Variants in INSR observed in about 807,000 individuals in gnomAD.
The protein encoded by INSR is insulin receptor.
INSR carries 67 observed loss-of-function variants against 142.6 expected under a neutral mutation model. The ratio of observed to expected loss-of-function variants is 0.47; its 90% CI spans 0.39 to 0.58. The LOEUF is 0.58. Among genes scored for constraint, INSR ranks in the 20% least tolerant of loss-of-function variants. INSR has a pLI of 0.00. For missense variants in INSR, 1,248 were observed against 1,833.2 expected, an observed-to-expected ratio of 0.68 and a Z score of 5.83; for synonymous variants, 756 against 743.1, an observed-to-expected ratio of 1.02 and a Z score of -0.28.
intron 2 of INSR, among the ~76,000 whole-genome samples, chr19:7,226,401 T>C (rs1600058428): frequency 4.3e-5 from 4 of 93,912 alleles, no homozygotes; most frequent in Non-Finnish European, 5.9e-5. Flanking sequence ...AGAGTGAGAC[T>C]CCGTCTCAAG....
At chr19:7,227,802 G>GTTTTGT (rs140475272) in intron 2 of INSR, among the ~76,000 whole-genome samples, 9,490 of 151,918 alleles carry the variant, frequency 0.062, 753 homozygotes, top group East Asian at 0.21. Flanking sequence ...GGTACAGATT[G>GTTTTGT]TTTTGTTTTT....
intron 8 of INSR, among the ~76,000 whole-genome samples, chr19:7,164,092 TAAA>T (rs4031077): frequency 8.6e-4 from 69 of 80,270 alleles, no homozygotes; most frequent in Admixed American, 1.5e-3. Flanking sequence ...GAAACTCCGT[TAAA>T]AAAAAAAAAA....
At chr19:7,206,189 CAG>C (rs1975100634) in intron 2 of INSR, among the ~76,000 whole-genome samples, 1 of 150,784 alleles carries the variant, frequency 6.6e-6, no homozygotes, top group Non-Finnish European at 1.5e-5. Context: ...AGTTGAGAGA[CAG>C]AATCTCATTC....
intron 1 of INSR, among the ~76,000 whole-genome samples, chr19:7,269,038 CCA>C (rs141333611): frequency 0.019 from 2,770 of 146,772 alleles, 54 homozygotes; most frequent in African/African-American, 0.064. Context: ...ACCCACACAC[CCA>C]CACACACACA....
At chr19:7,279,285 C>T (rs1375945505) in intron 1 of INSR, among the ~76,000 whole-genome samples, 8 of 151,656 alleles carry the variant, frequency 5.3e-5, no homozygotes, top group Non-Finnish European at 1.0e-4. Flanking sequence ...CACAGTAAGA[C>T]CCCATGTCTA....
At chr19:7,124,977 GA>G (rs1972611174) in intron 17 of INSR, among the ~76,000 whole-genome samples, 1 of 152,066 alleles carries the variant, frequency 6.6e-6, no homozygotes, top group Non-Finnish European at 1.5e-5. Context: ...GAAGATTCCG[GA>G]AAGTGGTGGA....
At chr19:7,277,322 A>G (rs115557167) in intron 1 of INSR, among the ~76,000 whole-genome samples, 3,613 of 151,466 alleles carry the variant, frequency 0.024, 114 homozygotes, top group African/African-American at 0.074. Flanking sequence ...CATGGAAATC[A>G]TTCCTGTATT....
chr19:7,250,462 AAAAG>A (rs201381022), intron 2 of INSR, among the ~76,000 whole-genome samples: 7,085 of 88,362 alleles, frequency 0.08, 275 homozygotes, highest in Middle Eastern at 0.17. Flanking sequence ...GAAAAGGAAG[AAAAG>A]AAAGAAAGAA....
Position 7,294,114 on chromosome 19 carries a change from C to A in INSR, c.-223G>T, listed in dbSNP as rs1266313810. On this transcript the variant is annotated 5_prime_UTR_variant, in exon 1 of 22. Coordinates refer to ENST00000302850, the MANE Select transcript of INSR (RefSeq NM_000208.4). ...TACAAATACTGAGCGGAGGCCCTTG[C>A]GGTGGTGGCCCCGACCCCCCGGCCG... The A allele has an allele frequency of 3.9e-6, 1 of 254,092 alleles. No individual in the cohort carries two copies. The highest frequency in any genetic ancestry group is 6.7e-6 in the Non-Finnish European group (1 of 148,294). 15.7% of individuals were successfully genotyped at this position (254,092 alleles called of 1,614,324 possible).
intron 2 of INSR, among the ~76,000 whole-genome samples, chr19:7,206,044 CG>C (rs1975097074): frequency 6.6e-6 from 1 of 152,150 alleles, no homozygotes; most frequent in East Asian, 1.9e-4. Context: ...CATGTGCAGA[CG>C]GGAACCATCG....
chr19:7,151,055 CTT>C (rs997734291), intron 10 of INSR, among the ~76,000 whole-genome samples: 4 of 69,734 alleles, frequency 5.7e-5, no homozygotes, highest in African/African-American at 1.3e-4. Context: ...TTTTCTTTCT[CTT>C]TCTTTTCTTT....
chr19:7,262,365 G>T (rs796149557), intron 2 of INSR, among the ~76,000 whole-genome samples: 1 of 152,136 alleles, frequency 6.6e-6, no homozygotes, highest in Non-Finnish European at 1.5e-5. Flanking sequence ...CGAGCCACGC[G>T]GGAGGCTGAG....
chr19:7,160,816 G>T (rs945740901), intron 9 of INSR, among the ~76,000 whole-genome samples: 2 of 151,714 alleles, frequency 1.3e-5, no homozygotes, highest in African/African-American at 4.8e-5. Flanking sequence ...TGGCCAACAT[G>T]GTGAAACCCC....
chr19:7,201,417 G>C (rs982287095), intron 2 of INSR, among the ~76,000 whole-genome samples: 1 of 151,944 alleles, frequency 6.6e-6, no homozygotes, highest in African/African-American at 2.4e-5. Context: ...CTGAAGTCAG[G>C]AGTTCAAGAC....
At chr19:7,161,066 T>C (rs1973736633) in intron 9 of INSR, among the ~76,000 whole-genome samples, 1 of 149,798 alleles carries the variant, frequency 6.7e-6, no homozygotes, top group Non-Finnish European at 1.5e-5. Flanking sequence ...TTTGAGACTT[T>C]AAATATTATT....
At chr19:7,287,733 G>A (rs965695611) in intron 1 of INSR, among the ~76,000 whole-genome samples, 14 of 152,070 alleles carry the variant, frequency 9.2e-5, no homozygotes, top group African/African-American at 1.2e-4. Context: ...AAGACATAGC[G>A]TTTCATTTCA....
chr19:7,271,377 G>A (rs1568231749), intron 1 of INSR, among the ~76,000 whole-genome samples: 1 of 152,098 alleles, frequency 6.6e-6, no homozygotes, highest in Admixed American at 6.6e-5. Context: ...GCAGGCGCAT[G>A]TAGTTCCAGA....
At position 7,168,445 on chromosome 19, in the gene INSR, C is replaced by T. The variant is rs1489380709; in HGVS notation, c.1484-351G>A. Among the ~76,000 whole-genome samples, 1 of 152,142 alleles carries T rather than the reference C, an allele frequency of 6.6e-6. No homozygotes were observed. The highest frequency in any genetic ancestry group is 1.5e-5 in the Non-Finnish European group (1 of 68,014). On this transcript the variant is annotated intron_variant, in intron 6 of 21. Coordinates refer to ENST00000302850, the MANE Select transcript of INSR (RefSeq NM_000208.4). This position sits in a 1 kb window ranked among gnomAD's most constrained non-coding sequence, Gnocchi z 4.3. ...TGTTTGTCCTGACACAACGTTGTCTCGCATATGGACTTGTAAGACTGACCT... is the reference window on the plus strand; with the variant it reads ...TGTTTGTCCTGACACAACGTTGTCTTGCATATGGACTTGTAAGACTGACCT...
chr19:7,234,310 A>G (rs1311822281), intron 2 of INSR, among the ~76,000 whole-genome samples: 1 of 151,326 alleles, frequency 6.6e-6, no homozygotes, highest in Non-Finnish European at 1.5e-5. Flanking sequence ...TGGCTCAAGC[A>G]ATCTTCCCGT....
Sources: gnomAD v4.1 joint callset for allele counts (sites outside exome capture counted in the v4.1 genomes callset) on GRCh38, gnomAD v4.1.1 for gene constraint, Gnocchi (gnomAD v3.1) non-coding constraint, MANE v1.5 for transcripts, NCBI Gene and HGNC (gene_info 2026-07-23, HGNC 2026-07-21) for gene names.